TTC39A: variants seen among roughly 807,000 people sequenced by gnomAD.
TTC39A encodes tetratricopeptide repeat domain 39A.
Under a neutral mutation model 82.3 loss-of-function variants are expected in TTC39A, and 46 were observed. The ratio of observed to expected loss-of-function variants is 0.56; its 90% confidence interval spans 0.44 to 0.71. The LOEUF (loss-of-function observed/expected upper bound fraction) is 0.71, where lower values mean the gene tolerates loss of function less well. Among genes scored for constraint, TTC39A ranks in the 30% least tolerant of loss-of-function variants. TTC39A has a pLI of 0.00. For synonymous variants in TTC39A, 254 were observed against 275.2 expected (o/e 0.92, Z 0.76); for missense variants, 543 against 712.9 (o/e 0.76, Z 2.71).
intron 12 of TTC39A, chr1:51,299,320 C>G (rs1644562146): frequency 6.6e-6 from 1 of 152,214 alleles, no homozygotes; most frequent in Non-Finnish European, 1.5e-5. Flanking sequence ...CAGGGGTCCC[C>G]CATCTGCTGA....
intron 2 of TTC39A, among the ~76,000 whole-genome samples, chr1:51,320,227 A>G (rs1645445966): frequency 6.6e-6 from 1 of 152,106 alleles, no homozygotes; most frequent in African/African-American, 2.4e-5. Context: ...GATCTGATGG[A>G]GTGGTTATAA....
In TTC39A at chr1:51,330,370, G is replaced by A; in HGVS notation, c.41+67C>T. On this transcript the variant is annotated intron_variant, in intron 1 of 17. Transcript: ENST00000680483. The surrounding 1 kb of genome is among the most constrained non-coding windows in gnomAD (Gnocchi z 4.5). ...TGCGCGGGGGGAGGCCTGGCGCGGC[G>A]CCCGCCACCTGCCCGGGCCCCAGCC... 1 of 948,236 alleles carries A rather than the reference G, an allele frequency of 1.1e-6. No individual in the cohort carries two copies. Among genetic ancestry groups the A allele is most frequent in the Non-Finnish European group, 1.3e-6 (1 of 798,594 alleles). The allele number at this position is 948,236 out of a possible 1,614,324, so 58.7% of individuals were successfully genotyped here. A position where few individuals can be genotyped will look rare whatever the true frequency, so the allele number is the denominator to read the frequency against.
At chr1:51,323,524 CTCTCT>C (rs764340879) in intron 1 of TTC39A, among the ~76,000 whole-genome samples, 3 of 152,218 alleles carry the variant, frequency 2.0e-5, no homozygotes, top group Non-Finnish European at 2.9e-5. Context: ...CCACCTTCTT[CTCTCT>C]TCTCTGTTAG....
chr1:51,329,029 C>T (rs1163579173), intron 1 of TTC39A, among the ~76,000 whole-genome samples: 2 of 152,154 alleles, frequency 1.3e-5, no homozygotes, highest in Non-Finnish European at 2.9e-5. Flanking sequence ...GAGGCAGGTA[C>T]GGTTCTGCAT....
chr1:51,338,935 G>T (rs996779738), intron 1 of TTC39A, among the ~76,000 whole-genome samples: 1 of 152,172 alleles, frequency 6.6e-6, no homozygotes, highest in Admixed American at 6.5e-5. Flanking sequence ...CCTGTCCTGT[G>T]CTCAGGGTCA....
chr1:51,315,031 C>T (rs568891918), intron 2 of TTC39A, among the ~76,000 whole-genome samples: 1 of 152,122 alleles, frequency 6.6e-6, no homozygotes, highest in Non-Finnish European at 1.5e-5. Context: ...ACACCCCCAG[C>T]CCCCAGGCCT....
At chr1:51,308,141 G>A (rs1411840422) in intron 6 of TTC39A, among the ~76,000 whole-genome samples, 4 of 151,958 alleles carry the variant, frequency 2.6e-5, no homozygotes, top group Middle Eastern at 3.4e-3. Context: ...GGGCTTCTCC[G>A]TACTGCCAGT....
At chr1:51,306,319 T>C (rs182550460) in intron 6 of TTC39A, among the ~76,000 whole-genome samples, 3 of 152,278 alleles carry the variant, frequency 2.0e-5, no homozygotes, top group Admixed American at 6.5e-5. Context: ...CTTCTGGACA[T>C]TTGTTCGTAT....
At chr1:51,330,595 C>T (rs1381247056), upstream of TTC39A, 3 of 983,000 alleles carry the variant, frequency 3.1e-6, no homozygotes, top group Non-Finnish European at 3.6e-6. The surrounding 1 kb of genome is among the most constrained non-coding windows in gnomAD (Gnocchi z 4.5). Flanking sequence ...GGGAGGGGCG[C>T]GCCGGGGGCG....
At chr1:51,305,488 A>C (rs1223649726) in intron 7 of TTC39A, 8 of 330,326 alleles carry the variant, frequency 2.4e-5, no homozygotes, top group East Asian at 1.5e-4. Flanking sequence ...CAGCTGGGAA[A>C]CTCCTAGGGA....
intron 1 of TTC39A, among the ~76,000 whole-genome samples, chr1:51,344,086 G>T (rs142752265): frequency 1.3e-5 from 2 of 152,288 alleles, no homozygotes; most frequent in Admixed American, 6.5e-5. Flanking sequence ...GTGGGAGAAA[G>T]GTAGGGAGGT....
chr1:51,307,455 C>A (rs1644911979), intron 6 of TTC39A, among the ~76,000 whole-genome samples: 1 of 152,084 alleles, frequency 6.6e-6, no homozygotes, highest in Non-Finnish European at 1.5e-5. Context: ...ATAAATAGGC[C>A]AGGCGTGGTG....
intron 1 of TTC39A, among the ~76,000 whole-genome samples, chr1:51,326,981 C>A (rs1645734704): frequency 6.6e-6 from 1 of 152,232 alleles, no homozygotes. Context: ...CTCTCTCATT[C>A]AGATCCCACC....
intron 1 of TTC39A, chr1:51,322,282 T>TTGTCACAATGGGC: frequency 1.4e-6 from 2 of 1,437,600 alleles, no homozygotes; most frequent in Non-Finnish European, 1.8e-6. Context: ...ATCCCTGACG[T>TTGTCACAATGGGC]TGTCACAATG....
upstream of TTC39A, chr1:51,331,749 G>A (rs1318718915): frequency 7.1e-6 from 7 of 985,252 alleles, no homozygotes; most frequent in East Asian, 1.1e-4. Context: ...ATACAGGCAC[G>A]AAAAAGATAA....
rs528695190 is a variant in TTC39A at position 51,344,133 on chromosome 1, T to G, written c.53+858A>C. 2.6e-5 allele frequency among the ~76,000 whole-genome samples: 4 copies of G among 152,268 alleles called. No homozygotes were observed. The South Asian group carries it at 8.3e-4, about 32-fold the overall frequency. ...CTCCCAGGTTTCGGGCTTGGGCAACTGGGTGGATGACCATTCACTGACACG... is the reference window on the plus strand; with the variant it reads ...CTCCCAGGTTTCGGGCTTGGGCAACGGGGTGGATGACCATTCACTGACACG... On this transcript the variant is annotated intron_variant, in intron 1 of 5. Coordinates refer to the TTC39A transcript ENST00000401051.
At chr1:51,330,683 G>A (rs1032425839), upstream of TTC39A, 4 of 938,160 alleles carry the variant, frequency 4.3e-6, no homozygotes, top group Non-Finnish European at 5.1e-6. This position sits in a 1 kb window ranked among gnomAD's most constrained non-coding sequence, Gnocchi z 4.5. Context: ...GGCGACCCGC[G>A]CTCCCGCACC....
At chr1:51,344,433 G>T (rs979997400) in intron 1 of TTC39A, among the ~76,000 whole-genome samples, 16 of 152,192 alleles carry the variant, frequency 1.1e-4, no homozygotes, top group Non-Finnish European at 5.9e-5. Context: ...GTCAGCTAGG[G>T]AGGTGGCTGA....
intron 1 of TTC39A, among the ~76,000 whole-genome samples, chr1:51,326,461 G>A (rs1220272309): frequency 6.6e-6 from 1 of 152,138 alleles, no homozygotes; most frequent in Non-Finnish European, 1.5e-5. Flanking sequence ...AGGCTGCGGT[G>A]GCTAGAGAGC....
Sources: gnomAD v4.1 joint callset for allele counts (sites outside exome capture counted in the v4.1 genomes callset) on GRCh38, gnomAD v4.1.1 for gene constraint, Gnocchi (gnomAD v3.1) non-coding constraint, MANE v1.5 for transcripts, NCBI Gene and HGNC (gene_info 2026-07-23, HGNC 2026-07-21) for gene names.